PDE1C: variants seen among roughly 807,000 people sequenced by gnomAD.
PDE1C encodes the protein phosphodiesterase 1C.
A neutral mutation model predicts 93.1 loss-of-function variants in PDE1C; 62 were observed. That is an observed-to-expected ratio of 0.67 (90% CI 0.54 to 0.82). The LOEUF (loss-of-function observed/expected upper bound fraction) is 0.82. Ranked by LOEUF, PDE1C falls within the 40% of genes least tolerant of loss-of-function variation. The pLI is 0.00. For missense variants in PDE1C, 742 were observed against 884.6 expected, an observed-to-expected ratio of 0.84 and a Z score of 2.04; for synonymous variants, 325 against 310.1, an observed-to-expected ratio of 1.05 and a Z score of -0.50.
At chr7:32,133,860 C>T (rs1800061438) in intron 3 of PDE1C, among the ~76,000 whole-genome samples, 2 of 151,836 alleles carry the variant, frequency 1.3e-5, no homozygotes, top group African/African-American at 4.8e-5. Context: ...GCTATTACAA[C>T]CGTGCTTATG....
chr7:31,671,312 C>G, the PDE1C span, among the ~76,000 whole-genome samples: 337 of 152,190 alleles, frequency 2.2e-3, 2 homozygotes, highest in African/African-American at 7.6e-3. Flanking sequence ...CTGATGGCAC[C>G]CAAAAGTGCT....
At chr7:32,154,884 G>A (rs1286672287) in intron 3 of PDE1C, among the ~76,000 whole-genome samples, 1 of 152,206 alleles carries the variant, frequency 6.6e-6, no homozygotes, top group African/African-American at 2.4e-5. Context: ...TCTGAAGAAG[G>A]GCTTCCTAGT....
chr7:32,214,782 A>G (rs1806299563), intron 1 of PDE1C, among the ~76,000 whole-genome samples: 2 of 152,196 alleles, frequency 1.3e-5, no homozygotes, highest in South Asian at 4.1e-4. Flanking sequence ...TCTTTATAAA[A>G]GGATTCACCT....
chr7:31,744,202 C>T, the PDE1C span, among the ~76,000 whole-genome samples: 2 of 152,082 alleles, frequency 1.3e-5, no homozygotes, highest in Non-Finnish European at 2.9e-5. Flanking sequence ...TACAGTTCCT[C>T]TCACACTATT....
At chr7:31,738,079 G>C in the PDE1C span, among the ~76,000 whole-genome samples, 1 of 152,202 alleles carries the variant, frequency 6.6e-6, no homozygotes, top group South Asian at 2.1e-4. Flanking sequence ...CCCAGTGCTG[G>C]CATCAGCTTT....
the PDE1C span, among the ~76,000 whole-genome samples, chr7:31,625,639 G>A: frequency 5.9e-5 from 9 of 152,010 alleles, no homozygotes; most frequent in African/African-American, 2.2e-4. Flanking sequence ...GGAGGAGGGG[G>A]GAGGGATAGC....
intron 16 of PDE1C, among the ~76,000 whole-genome samples, chr7:31,780,258 C>T (rs1170131366): frequency 6.6e-6 from 1 of 152,120 alleles, no homozygotes; most frequent in African/African-American, 2.4e-5. Flanking sequence ...TTTCAGTTGT[C>T]GGGAGGGAAG....
intron 6 of PDE1C, among the ~76,000 whole-genome samples, chr7:31,869,462 G>T (rs1200267044): frequency 6.6e-6 from 1 of 151,884 alleles, no homozygotes; most frequent in African/African-American, 2.4e-5. Flanking sequence ...AAAGCAAGCA[G>T]GAGTAGCTAT....
chr7:31,849,776 G>T (rs1349941273), intron 8 of PDE1C, among the ~76,000 whole-genome samples: 1 of 152,024 alleles, frequency 6.6e-6, no homozygotes, highest in Non-Finnish European at 1.5e-5. Flanking sequence ...CAAGGATAAT[G>T]AACTAACTCT....
rs73316140 is a variant in PDE1C at position 32,341,765 on chromosome 7, A to G, written c.310+86057T>C. Among the ~76,000 whole-genome samples the G allele has an allele frequency of 6.8e-3, 1,030 of 152,246 alleles. 7 individuals carry two copies. The highest frequency in any genetic ancestry group is 0.024 in the African/African-American group (979 of 41,564). ...ACCCTGCAGCACTGAAAACACACTC[A>G]CAGCCAAGGCCAGCTCAAGGCTGTT... On this transcript the variant is annotated intron_variant, in intron 1 of 1. Coordinates refer to the PDE1C transcript ENST00000672256.
At chr7:31,701,922 C>CA in the PDE1C span, among the ~76,000 whole-genome samples, 1 of 152,116 alleles carries the variant, frequency 6.6e-6, no homozygotes, top group African/African-American at 2.4e-5. Flanking sequence ...AATGGGAAAC[C>CA]AAAAAATTTG....
chr7:32,148,003 A>G (rs1380468444), intron 3 of PDE1C, among the ~76,000 whole-genome samples: 5 of 149,722 alleles, frequency 3.3e-5, no homozygotes, highest in Non-Finnish European at 7.4e-5. Flanking sequence ...AAAAAAAAAA[A>G]AAGCCTAACC....
chr7:31,761,835 C>T (rs901269138), intron 17 of PDE1C, among the ~76,000 whole-genome samples: 1 of 152,214 alleles, frequency 6.6e-6, no homozygotes, highest in Non-Finnish European at 1.5e-5. Flanking sequence ...CCTCACCATC[C>T]TTGGAAGCTG....
At chr7:31,824,305 T>G (rs1245983358) in intron 13 of PDE1C, among the ~76,000 whole-genome samples, 1 of 152,152 alleles carries the variant, frequency 6.6e-6, no homozygotes, top group Non-Finnish European at 1.5e-5. Context: ...GTCTTCCCAG[T>G]CACCTCTGAG....
intron 7 of PDE1C, among the ~76,000 whole-genome samples, chr7:31,861,942 T>C (rs1360704112): frequency 6.6e-6 from 1 of 152,186 alleles, no homozygotes; most frequent in Admixed American, 6.6e-5. Context: ...CTCCTGCTTC[T>C]TCCTCAGCCT....
At chr7:31,878,757 CT>C (rs989196948) in intron 4 of PDE1C, among the ~76,000 whole-genome samples, 1 of 152,162 alleles carries the variant, frequency 6.6e-6, no homozygotes, top group African/African-American at 2.4e-5. Context: ...TGAACTCAAA[CT>C]AAATCTTCTC....
intron 2 of PDE1C, among the ~76,000 whole-genome samples, chr7:32,182,353 G>T (rs1216416010): frequency 6.6e-6 from 1 of 152,240 alleles, no homozygotes; most frequent in South Asian, 2.1e-4. Context: ...CAAACAAAGA[G>T]AATTTTAGAC....
At chr7:31,816,493 T>G (rs867231420) in intron 14 of PDE1C, among the ~76,000 whole-genome samples, 2 of 152,128 alleles carry the variant, frequency 1.3e-5, no homozygotes, top group Non-Finnish European at 2.9e-5. Context: ...GAGTGTTTTT[T>G]GGGGATTATT....
intron 1 of PDE1C, among the ~76,000 whole-genome samples, chr7:32,273,654 G>C (rs1811109935): frequency 6.6e-6 from 1 of 152,306 alleles, no homozygotes; most frequent in Admixed American, 6.5e-5. Flanking sequence ...ATGAGAACCA[G>C]AGGGTAAAGT....
Sources: allele counts gnomAD v4.1 joint callset (sites outside exome capture counted in the v4.1 genomes callset), GRCh38; gene constraint gnomAD v4.1.1; transcripts MANE v1.5; gene names NCBI Gene and HGNC (gene_info 2026-07-23, HGNC 2026-07-21).